Variants in PLCB1 observed in about 807,000 individuals in gnomAD.
The protein encoded by PLCB1 is phospholipase C beta 1.
Under a neutral mutation model 161.8 loss-of-function variants are expected in PLCB1, and 46 were observed. That is an observed-to-expected ratio of 0.28 (90% CI 0.22 to 0.36). The LOEUF is 0.36. Among genes scored for constraint, PLCB1 ranks in the 10% least tolerant of loss-of-function variants. The probability of loss-of-function intolerance (pLI) is 1.00; values close to 1 mark genes in which losing one functional copy is unlikely to be tolerated. For missense variants in PLCB1, 1,016 were observed against 1,472.5 expected (o/e 0.69, Z 5.07); for synonymous variants, 517 against 503.7 (o/e 1.03, Z -0.35).
At chr20:8,348,195 A>G (rs1342530202) in intron 2 of PLCB1, among the ~76,000 whole-genome samples, 1 of 152,206 alleles carries the variant, frequency 6.6e-6, no homozygotes, top group Non-Finnish European at 1.5e-5. Flanking sequence ...AGAAAGAAGG[A>G]GAATTATTCA....
chr20:8,835,000 C>T (rs1440217998), intron 31 of PLCB1, among the ~76,000 whole-genome samples: 1 of 152,044 alleles, frequency 6.6e-6, no homozygotes, highest in East Asian at 1.9e-4. Context: ...CTGCTTTGCT[C>T]AGGCTACTGA....
At chr20:8,195,740 T>A (rs976198432) in intron 2 of PLCB1, among the ~76,000 whole-genome samples, 1 of 152,138 alleles carries the variant, frequency 6.6e-6, no homozygotes, top group Non-Finnish European at 1.5e-5. Flanking sequence ...TCTTTCCTTG[T>A]CTTTCACATC....
At chr20:8,327,390 G>A (rs1020572990) in intron 2 of PLCB1, among the ~76,000 whole-genome samples, 6 of 152,170 alleles carry the variant, frequency 3.9e-5, no homozygotes, top group Non-Finnish European at 5.9e-5. Flanking sequence ...TCCCTTGAAG[G>A]ACATAATGCA....
chr20:8,687,050 G>T (rs1467197631), intron 10 of PLCB1, among the ~76,000 whole-genome samples: 1 of 151,282 alleles, frequency 6.6e-6, no homozygotes. Context: ...TCTTGAGACA[G>T]GGCCTCACTC....
chr20:8,180,750 A>G (rs1355141896), intron 2 of PLCB1, among the ~76,000 whole-genome samples: 2 of 152,226 alleles, frequency 1.3e-5, no homozygotes, highest in African/African-American at 4.8e-5. Context: ...TAGGATAACA[A>G]TAAATGAGCC....
At chr20:8,414,766 A>G (rs535743934) in intron 3 of PLCB1, among the ~76,000 whole-genome samples, 1 of 152,278 alleles carries the variant, frequency 6.6e-6, no homozygotes, top group East Asian at 1.9e-4. Context: ...AACTGAGGAA[A>G]TGAATTTCTA....
intron 23 of PLCB1, among the ~76,000 whole-genome samples, chr20:8,744,853 A>G (rs1173487627): frequency 6.6e-6 from 1 of 151,970 alleles, no homozygotes; most frequent in African/African-American, 2.4e-5. Context: ...TCTTTTCACA[A>G]ATTGATGTCC....
intron 31 of PLCB1, among the ~76,000 whole-genome samples, chr20:8,811,336 G>C (rs1984812027): frequency 6.6e-6 from 1 of 152,192 alleles, no homozygotes; most frequent in Non-Finnish European, 1.5e-5. Context: ...TCTAGTAATG[G>C]AGGAAATAGG....
intron 31 of PLCB1, among the ~76,000 whole-genome samples, chr20:8,857,854 G>A (rs1250325245): frequency 6.6e-6 from 1 of 151,922 alleles, no homozygotes; most frequent in Non-Finnish European, 1.5e-5. Flanking sequence ...TTTTTGTTTT[G>A]CCTTTAGCCA....
At chr20:8,173,832 A>G (rs921849241) in intron 2 of PLCB1, among the ~76,000 whole-genome samples, 3 of 152,240 alleles carry the variant, frequency 2.0e-5, no homozygotes, top group Non-Finnish European at 2.9e-5. Flanking sequence ...ATAAAACTGA[A>G]AAATACAATG....
In PLCB1 at chr20:8,629,817, T is replaced by TTTTCTTTCTTTTC. The variant is rs1555777956; in HGVS notation, c.384+1397_384+1398insTCTTTCTTTCTTT. 6.3e-3 allele frequency among the ~76,000 whole-genome samples: 609 copies of TTTTCTTTCTTTTC among 96,756 alleles called. 1 individual carries two copies. The highest frequency in any genetic ancestry group is 0.012 in the Middle Eastern group (2 of 168). The allele number at this position is 96,756 out of a possible 152,430, so 63.5% of individuals were successfully genotyped here. ...TTCTTTCTTTTCTTTCTTTTCTTTCTTTTCTTTCTTTCTTTCTTTCTTTCT... is the reference window on the plus strand; with the variant it reads ...TTCTTTCTTTTCTTTCTTTTCTTTCTTTTCTTTCTTTTCTTTCTTTCTTTCTTTCTTTCTTTCT... On this transcript the variant is annotated intron_variant, in intron 4 of 31. Coordinates refer to ENST00000338037, the MANE Select transcript of PLCB1 (RefSeq NM_015192.4).
rs1359981444 is a variant in PLCB1 at position 8,381,775 on chromosome 20, G to A, written c.246+10325G>A. On this transcript the variant is annotated intron_variant, in intron 3 of 31. Coordinates refer to ENST00000338037, the MANE Select transcript of PLCB1 (RefSeq NM_015192.4). ...TCTGATGGTAGTTTGTATTTCTATGGGGTCAGTGGTGATATCCCCTTTATC... is the reference window on the plus strand; with the variant it reads ...TCTGATGGTAGTTTGTATTTCTATGAGGTCAGTGGTGATATCCCCTTTATC... Among the ~76,000 whole-genome samples, 3 of 152,154 alleles carry A rather than the reference G, an allele frequency of 2.0e-5. 1 individual carries two copies. Among genetic ancestry groups the A allele is most frequent in the South Asian group, 4.1e-4 (2 of 4,822 alleles).
At chr20:8,296,252 C>T (rs1460250754) in intron 2 of PLCB1, among the ~76,000 whole-genome samples, 2 of 152,128 alleles carry the variant, frequency 1.3e-5, no homozygotes, top group Admixed American at 6.6e-5. Context: ...TTTTGTACAA[C>T]GTTGTGTCTT....
chr20:8,333,658 T>C (rs1016644400), intron 2 of PLCB1, among the ~76,000 whole-genome samples: 6 of 152,166 alleles, frequency 3.9e-5, no homozygotes, highest in African/African-American at 1.4e-4. Context: ...CTAAAAAGCA[T>C]CTGGCCCAAA....
intron 1 of PLCB1, among the ~76,000 whole-genome samples, chr20:8,140,205 C>T (rs2051388615): frequency 6.6e-6 from 1 of 152,198 alleles, no homozygotes; most frequent in African/African-American, 2.4e-5. Context: ...AGGGTCTGTG[C>T]TGCTATGTTC....
intron 31 of PLCB1, among the ~76,000 whole-genome samples, chr20:8,870,440 A>G (rs1210069476): frequency 1.3e-5 from 2 of 152,314 alleles, no homozygotes; most frequent in East Asian, 3.9e-4. Context: ...TTCAGGACTC[A>G]GAGGAGGTAT....
At chr20:8,622,196 G>C (rs1448318961) in intron 3 of PLCB1, among the ~76,000 whole-genome samples, 1 of 151,404 alleles carries the variant, frequency 6.6e-6, no homozygotes, top group African/African-American at 2.4e-5. Context: ...AGAGGTTGCA[G>C]TGAGCCAAGA....
intron 31 of PLCB1, among the ~76,000 whole-genome samples, chr20:8,809,717 C>G (rs535138512): frequency 1.1e-4 from 17 of 151,840 alleles, no homozygotes; most frequent in African/African-American, 4.1e-4. Flanking sequence ...AAACTTTTTA[C>G]TGAAATAAAT....
intron 31 of PLCB1, among the ~76,000 whole-genome samples, chr20:8,878,755 A>G (rs745348759): frequency 3.3e-4 from 50 of 150,880 alleles, no homozygotes; most frequent in Non-Finnish European, 5.6e-4. Context: ...TTTTTCTTTG[A>G]TATTTCAATA....
Sources: allele counts gnomAD v4.1 joint callset (sites outside exome capture counted in the v4.1 genomes callset), GRCh38; gene constraint gnomAD v4.1.1; transcripts MANE v1.5; gene names NCBI Gene and HGNC (gene_info 2026-07-23, HGNC 2026-07-21).